OTUD7A: variants seen among roughly 807,000 people sequenced by gnomAD.
OTUD7A encodes the protein OTU deubiquitinase 7A.
In OTUD7A, 12 loss-of-function variants were observed where a neutral mutation model predicts 65.7. The observed-to-expected ratio is 0.18, with a 90% CI of 0.12 to 0.30. OTUD7A has a LOEUF of 0.30. OTUD7A is among the 10% of genes least tolerant of loss of function. The pLI is 1.00. For missense variants in OTUD7A, 1,148 were observed against 1,304.8 expected (o/e 0.88, Z 1.85); for synonymous variants, 641 against 586.3 (o/e 1.09, Z -1.35).
chr15:31,711,259 C>T (rs181231100), intron 1 of OTUD7A, among the ~76,000 whole-genome samples: 7 of 152,224 alleles, frequency 4.6e-5, no homozygotes, highest in African/African-American at 1.7e-4. Context: ...CACTTAAAGG[C>T]TGTGACTGAT....
intron 1 of OTUD7A, among the ~76,000 whole-genome samples, chr15:31,771,389 C>T (rs1376344717): frequency 1.3e-5 from 2 of 152,186 alleles, no homozygotes; most frequent in Non-Finnish European, 2.9e-5. Context: ...CCACTGGCAA[C>T]GGCCCATGAA....
chr15:31,766,763 T>C (rs1895103467), intron 1 of OTUD7A: 3 of 1,612,776 alleles, frequency 1.9e-6, no homozygotes, highest in South Asian at 1.1e-5. Context: ...TTTTGAATAT[T>C]TTCCTCTGAA....
intron 1 of OTUD7A, among the ~76,000 whole-genome samples, chr15:31,775,515 T>A (rs1895353532): frequency 6.6e-6 from 1 of 151,548 alleles, no homozygotes; most frequent in Non-Finnish European, 1.5e-5. Flanking sequence ...GTCTGAAGAG[T>A]GGGTTGTAAA....
chr15:31,605,648 T>C (rs992335326), intron 3 of OTUD7A, among the ~76,000 whole-genome samples: 1 of 152,208 alleles, frequency 6.6e-6, no homozygotes, highest in African/African-American at 2.4e-5. Flanking sequence ...ACAAATCGAT[T>C]AAAGCAGAGA....
At chr15:31,681,918 A>G (rs1892726562) in intron 1 of OTUD7A, among the ~76,000 whole-genome samples, 1 of 151,930 alleles carries the variant, frequency 6.6e-6, no homozygotes, top group Non-Finnish European at 1.5e-5. Context: ...CTAAAAAGCA[A>G]ATTAATGAGG....
At chr15:31,569,210 C>A (rs568478796) in intron 4 of OTUD7A, among the ~76,000 whole-genome samples, 161 of 152,310 alleles carry the variant, frequency 1.1e-3, no homozygotes, top group Non-Finnish European at 4.9e-4. Context: ...GAAACAAAAG[C>A]ACCAGTATGT....
chr15:31,621,323 G>C (rs1887302255), intron 3 of OTUD7A, among the ~76,000 whole-genome samples: 1 of 152,158 alleles, frequency 6.6e-6, no homozygotes, highest in Admixed American at 6.5e-5. Flanking sequence ...GGATATCCTA[G>C]TTAACTTTCT....
At chr15:31,829,170 C>G (rs1896870287) in intron 1 of OTUD7A, among the ~76,000 whole-genome samples, 1 of 152,188 alleles carries the variant, frequency 6.6e-6, no homozygotes, top group Non-Finnish European at 1.5e-5. Context: ...CAGGTCAAGA[C>G]TAGAGACATG....
At chr15:31,708,761 G>C (rs1893364358) in intron 1 of OTUD7A, among the ~76,000 whole-genome samples, 1 of 151,780 alleles carries the variant, frequency 6.6e-6, no homozygotes, top group Non-Finnish European at 1.5e-5. Context: ...TCTTTTGAGG[G>C]AGACCCAGAC....
intron 3 of OTUD7A, among the ~76,000 whole-genome samples, chr15:31,649,188 C>T (rs5008844): frequency 3.3e-5 from 5 of 152,184 alleles, no homozygotes; most frequent in African/African-American, 7.2e-5. Flanking sequence ...GCAGTCTTGA[C>T]GCCAGTTTTT....
At chr15:31,758,066 G>A (rs752890780) in intron 1 of OTUD7A, among the ~76,000 whole-genome samples, 2 of 152,126 alleles carry the variant, frequency 1.3e-5, no homozygotes, top group Non-Finnish European at 2.9e-5. Flanking sequence ...ATCCTAAAAC[G>A]TAGGTTTTCA....
At chr15:31,582,202 T>C (rs1403000838) in intron 3 of OTUD7A, among the ~76,000 whole-genome samples, 1 of 152,200 alleles carries the variant, frequency 6.6e-6, no homozygotes, top group Non-Finnish European at 1.5e-5. Flanking sequence ...AAGTTCTTCA[T>C]CTCTATCTGA....
At chr15:31,791,793 G>A (rs980009593) in intron 1 of OTUD7A, among the ~76,000 whole-genome samples, 11 of 151,958 alleles carry the variant, frequency 7.2e-5, no homozygotes, top group African/African-American at 2.4e-4. Context: ...ACCCTCTCCT[G>A]GTCCTCCTCC....
intron 8 of OTUD7A, among the ~76,000 whole-genome samples, chr15:31,525,634 T>C (rs755230612): frequency 2.0e-5 from 3 of 152,258 alleles, no homozygotes; most frequent in Non-Finnish European, 4.4e-5. Flanking sequence ...TTCTCATGTT[T>C]GGCTGAGACC....
intron 3 of OTUD7A, among the ~76,000 whole-genome samples, chr15:31,588,921 C>T (rs1423877283): frequency 6.6e-6 from 1 of 152,234 alleles, no homozygotes; most frequent in Non-Finnish European, 1.5e-5. Context: ...TCTCCTCAAA[C>T]TTCACCTCCT....
chr15:31,504,544 G>A (rs1459070482), intron 8 of OTUD7A, among the ~76,000 whole-genome samples: 6 of 152,216 alleles, frequency 3.9e-5, no homozygotes, highest in Non-Finnish European at 5.9e-5. Context: ...GGAGGTGCAC[G>A]TTGAGAGGAC....
chr15:31,660,708 T>C lies in OTUD7A; in HGVS notation c.-99-3631A>G, dbSNP rs749735199. Among the ~76,000 whole-genome samples the C allele has an allele frequency of 5.3e-5, 8 of 152,238 alleles. 1 individual carries two copies. The highest frequency in any genetic ancestry group is 3.2e-3 in the Middle Eastern group (1 of 316). ...TTTCTGAGGAATAAGAAGAGAAGTT[T>C]GGCCAGACAGCGACAGATAGGGCTG... is the stretch of plus-strand genomic sequence containing the variant. On this transcript the variant is annotated intron_variant, in intron 1 of 12. Transcript: ENST00000307050.
rs536963850 is a variant in OTUD7A at position 31,583,261 on chromosome 15, A to G, written c.152-13064T>C. Among the ~76,000 whole-genome samples, 4 of 152,310 alleles carry G rather than the reference A, an allele frequency of 2.6e-5. No homozygotes were observed. The East Asian group carries it at 5.8e-4, about 22-fold the overall frequency. The stretch of plus-strand genomic sequence containing the variant: ...AGTCTCTAGCAAGAGGCATTCATGC[A>G]AGGTGGAAGATGAAGCCAGGCCACT... On this transcript the variant is annotated intron_variant, in intron 3 of 12. Transcript: ENST00000307050.
chr15:31,499,756 C>T lies in OTUD7A; in HGVS notation c.1171+1934G>A, dbSNP rs895575332. On this transcript the variant is annotated intron_variant, in intron 10 of 12. Coordinates refer to ENST00000307050, the MANE Select transcript of OTUD7A (RefSeq NM_001382637.1). Reference sequence around the variant, plus strand: ...GGACCTGCATCGCCCCAGGAGGATCCCAGTGGGCTGCTTTGACTGTGAGGG... The same window carrying T: ...GGACCTGCATCGCCCCAGGAGGATCTCAGTGGGCTGCTTTGACTGTGAGGG... 3.9e-5 allele frequency among the ~76,000 whole-genome samples: 6 copies of T among 152,184 alleles called. No individual in the cohort carries two copies. In the South Asian group the frequency reaches 1.2e-3, roughly 31 times the overall value.
Sources: gnomAD v4.1 joint callset for allele counts (sites outside exome capture counted in the v4.1 genomes callset) on GRCh38, gnomAD v4.1.1 for gene constraint, MANE v1.5 for transcripts, NCBI Gene and HGNC (gene_info 2026-07-23, HGNC 2026-07-21) for gene names.